ANKRD6: variants seen among roughly 807,000 people sequenced by gnomAD.
ANKRD6 encodes the protein ankyrin repeat domain 6.
A neutral mutation model predicts 82.3 loss-of-function variants in ANKRD6; 56 were observed. That is an observed-to-expected ratio of 0.68 (90% CI 0.55 to 0.85). The LOEUF (loss-of-function observed/expected upper bound fraction) is 0.85. Among genes scored for constraint, ANKRD6 ranks in the 40% least tolerant of loss-of-function variants. The pLI is 0.00. For synonymous variants in ANKRD6, 347 were observed against 352.1 expected, an observed-to-expected ratio of 0.99 and a Z score of 0.16; for missense variants, 852 against 907.6, an observed-to-expected ratio of 0.94 and a Z score of 0.79.
intron 1 of ANKRD6, among the ~76,000 whole-genome samples, chr6:89,532,177 G>A (rs1017344354): frequency 6.6e-6 from 1 of 152,130 alleles, no homozygotes; most frequent in African/African-American, 2.4e-5. Context: ...AAATATTAAT[G>A]TCATCCAAAA....
chr6:89,547,377 G>C (rs1785235647), intron 1 of ANKRD6, among the ~76,000 whole-genome samples: 1 of 152,194 alleles, frequency 6.6e-6, no homozygotes, highest in Non-Finnish European at 1.5e-5. Context: ...ATGTGCCTTT[G>C]TCATGGCCTG....
intron 1 of ANKRD6, among the ~76,000 whole-genome samples, chr6:89,440,666 G>T (rs1167168455): frequency 2.0e-5 from 3 of 152,146 alleles, no homozygotes; most frequent in African/African-American, 7.2e-5. Flanking sequence ...GTGAGCACCT[G>T]TAGTCCCAGC....
chr6:89,483,142 T>C (rs1243787470), intron 1 of ANKRD6, among the ~76,000 whole-genome samples: 1 of 152,202 alleles, frequency 6.6e-6, no homozygotes, highest in Admixed American at 6.5e-5. Context: ...CAGTGGGTCT[T>C]ATCTAAAGCA....
At chr6:89,469,174 C>T (rs1227510293) in intron 1 of ANKRD6, among the ~76,000 whole-genome samples, 1 of 152,200 alleles carries the variant, frequency 6.6e-6, no homozygotes, top group Non-Finnish European at 1.5e-5. Context: ...ATATAATCAA[C>T]TCAATCTTGT....
At chr6:89,495,475 C>T (rs1778500733) in intron 1 of ANKRD6, among the ~76,000 whole-genome samples, 1 of 152,156 alleles carries the variant, frequency 6.6e-6, no homozygotes, top group Admixed American at 6.5e-5. Context: ...TTGATGGGCT[C>T]ACCTCTTTGC....
intron 2 of ANKRD6, among the ~76,000 whole-genome samples, chr6:89,573,576 T>C (rs1432641504): frequency 6.6e-6 from 1 of 152,212 alleles, no homozygotes; most frequent in Non-Finnish European, 1.5e-5. Flanking sequence ...GGAACCCATG[T>C]CACTCTAACT....
At chr6:89,607,032 G>A (rs1464427313) in intron 5 of ANKRD6, among the ~76,000 whole-genome samples, 1 of 152,050 alleles carries the variant, frequency 6.6e-6, no homozygotes. Flanking sequence ...TTAGCTGGAT[G>A]TGGTGGTGCA....
intron 9 of ANKRD6, among the ~76,000 whole-genome samples, chr6:89,620,567 CA>C (rs1474565065): frequency 6.6e-6 from 1 of 152,156 alleles, no homozygotes; most frequent in Non-Finnish European, 1.5e-5. Context: ...GACTCTTTTA[CA>C]TTTTTAACTA....
intron 2 of ANKRD6, among the ~76,000 whole-genome samples, chr6:89,591,593 G>C (rs895231608): frequency 6.6e-6 from 1 of 152,138 alleles, no homozygotes; most frequent in Non-Finnish European, 1.5e-5. Context: ...CCCATTAGTC[G>C]GACATGCCTG....
rs554401739 is a variant in ANKRD6 at position 89,539,469 on chromosome 6, G to A, written c.-143-27365G>A. On this transcript the variant is annotated intron_variant, in intron 1 of 15. Transcript: ENST00000339746. Reference sequence around the variant, plus strand: ...AAATAATGATATACATGGTGTTTATGCAGTATGTATATAAGCATTTATTAT... The same window carrying A: ...AAATAATGATATACATGGTGTTTATACAGTATGTATATAAGCATTTATTAT... Among the ~76,000 whole-genome samples, 30 of 152,146 alleles carry A rather than the reference G, an allele frequency of 2.0e-4. No individual in the cohort carries two copies. In the South Asian group the frequency reaches 4.8e-3, roughly 24 times the overall value.
chr6:89,485,651 G>A (rs906198177), intron 1 of ANKRD6, among the ~76,000 whole-genome samples: 2 of 152,182 alleles, frequency 1.3e-5, no homozygotes, highest in Admixed American at 6.5e-5. Flanking sequence ...ACCCAAATCC[G>A]GCTGCCTGTT....
At chr6:89,523,063 T>C (rs1316327503) in intron 1 of ANKRD6, among the ~76,000 whole-genome samples, 1 of 152,182 alleles carries the variant, frequency 6.6e-6, no homozygotes, top group African/African-American at 2.4e-5. Context: ...GATTCCCTCC[T>C]GAGAGCTGGA....
chr6:89,613,797 A>C lies in ANKRD6; in HGVS notation c.522A>C (p.Gly174=). ...AGTTTGATTTTTGTCCGCAGGCAGG[A>C]GACACCTGTTTGCACGTTGCTGCGC... ...GSRADLKNNA[G]DTCLHVAARY... Residue 174 remains glycine, a synonymous_variant, in exon 7 of 16, where the codon GGA becomes GGC. Transcript: ENST00000339746. 1 of 1,613,970 alleles carries C rather than the reference A, an allele frequency of 6.2e-7. No homozygotes were observed. The highest frequency in any genetic ancestry group is 8.5e-7 in the Non-Finnish European group (1 of 1,179,852).
intron 2 of ANKRD6, among the ~76,000 whole-genome samples, chr6:89,577,263 A>G (rs1791323076): frequency 6.6e-6 from 1 of 152,114 alleles, no homozygotes; most frequent in Non-Finnish European, 1.5e-5. Context: ...GCTTCCTGTC[A>G]GTGACCAAGT....
intron 1 of ANKRD6, among the ~76,000 whole-genome samples, chr6:89,449,029 CAAAAAAAAAAAAA>C (rs368751340): frequency 1.9e-5 from 1 of 52,424 alleles, no homozygotes; most frequent in Admixed American, 1.9e-4. Context: ...GACTCCGTCT[CAAAAAAAAAAAAA>C]AAAAAAAAAG....
At chr6:89,481,226 A>T (rs931406557) in intron 1 of ANKRD6, among the ~76,000 whole-genome samples, 4 of 152,212 alleles carry the variant, frequency 2.6e-5, no homozygotes, top group Non-Finnish European at 5.9e-5. Context: ...AACAGTAGTT[A>T]TATCCATGTT....
chr6:89,495,360 G>A (rs572866057), intron 1 of ANKRD6, among the ~76,000 whole-genome samples: 22 of 152,310 alleles, frequency 1.4e-4, no homozygotes, highest in African/African-American at 4.8e-4. Context: ...CTGGGAGGAG[G>A]GTAGAGGGGA....
chr6:89,492,486 C>T (rs1287388633), intron 1 of ANKRD6, among the ~76,000 whole-genome samples: 3 of 152,164 alleles, frequency 2.0e-5, no homozygotes, highest in African/African-American at 4.8e-5. Flanking sequence ...GTAATGCTCC[C>T]TGATATGTAA....
In ANKRD6 at chr6:89,613,889, A is replaced by G. The variant is rs1800844830; in HGVS notation, c.614A>G (p.Gln205Arg). 4.3e-6 allele frequency: 7 copies of G among 1,613,674 alleles called. No homozygotes were observed. Among genetic ancestry groups the G allele is most frequent in the Non-Finnish European group, 5.1e-6 (6 of 1,179,764 alleles). The part of the protein sequence containing the change: ...TAFCSVHEKN[Q>R]AGDTALHVAA... ...TTCTGTTCTGTCCATGAAAAGAACC[A>G]GGTCAGTGCATGTATTCTCTTCATG... The change falls in exon 7 of 16, where the codon CAG (glutamine) becomes CGG (arginine). Residue 205 changes from glutamine (Q) to arginine (R), a missense_variant and splice_region_variant. Coordinates refer to ENST00000339746, the MANE Select transcript of ANKRD6 (RefSeq NM_001242809.2).
Sources: allele counts gnomAD v4.1 joint callset (sites outside exome capture counted in the v4.1 genomes callset), GRCh38; gene constraint gnomAD v4.1.1; transcripts MANE v1.5; gene names NCBI Gene and HGNC (gene_info 2026-07-23, HGNC 2026-07-21).